Variants in GALNT1 observed in about 807,000 individuals in gnomAD.
GALNT1 encodes the protein GalNAc transferase 1.
A neutral mutation model predicts 65.7 loss-of-function variants in GALNT1; 17 were observed. That is an observed-to-expected ratio of 0.26 (90% CI 0.18 to 0.39). GALNT1 has a LOEUF of 0.39. GALNT1 is among the 10% of genes least tolerant of loss of function. The pLI is 1.00. For missense variants in GALNT1, 460 were observed against 672.8 expected (o/e 0.68, Z 3.50); for synonymous variants, 210 against 219.7 (o/e 0.96, Z 0.39).
chr18:35,600,641 A>G lies in GALNT1; in HGVS notation c.-104+18779A>G, dbSNP rs184256395. Among the ~76,000 whole-genome samples, 45 of 152,200 alleles carry G rather than the reference A, an allele frequency of 3.0e-4. No individual in the cohort carries two copies. In the East Asian group the frequency reaches 6.8e-3, roughly 23 times the overall value. On this transcript the variant is annotated intron_variant, in intron 1 of 11. Transcript: ENST00000269195. ...CTTCAGTTTTTTCCCATTCAGTACA[A>G]TGTTAGCTGTGGGTTTGTCACATAT...
At chr18:35,649,599 T>G (rs1197222129) in intron 1 of GALNT1, among the ~76,000 whole-genome samples, 1 of 152,172 alleles carries the variant, frequency 6.6e-6, no homozygotes, top group East Asian at 1.9e-4. Flanking sequence ...TTTTGAAGAT[T>G]AGTTAGGAAG....
rs1054039963 is a variant in GALNT1 at position 35,687,117 on chromosome 18, A to C, written c.791A>C (p.Asn264Thr). ...MTYGGFNWKL[N>T]FRWYPVPQRE... The stretch of plus-strand genomic sequence containing the variant: ...TATGGTGGGTTCAACTGGAAGCTCA[A>C]TTTTCGCTGGTATCCTGTTCCCCAA... Residue 264 changes from asparagine to threonine, a missense_variant, in exon 6 of 12, where the codon AAT becomes ACT. Physicochemically the swap from Asn to Thr is moderately conservative, Grantham distance 65 (BLOSUM62 0). Transcript: ENST00000269195. 8 of 1,613,756 alleles carry C rather than the reference A, an allele frequency of 5.0e-6. No individual in the cohort carries two copies. Among genetic ancestry groups the C allele is most frequent in the Non-Finnish European group, 6.8e-6 (8 of 1,179,882 alleles).
chr18:35,642,838 G>A (rs1222190632), intron 1 of GALNT1, among the ~76,000 whole-genome samples: 4 of 152,086 alleles, frequency 2.6e-5, no homozygotes, highest in Non-Finnish European at 2.9e-5. Context: ...AGGATTCCTC[G>A]TTGGGTCACT....
At chr18:35,629,993 AC>A (rs571067196) in intron 1 of GALNT1, among the ~76,000 whole-genome samples, 30 of 152,340 alleles carry the variant, frequency 2.0e-4, no homozygotes, top group African/African-American at 7.0e-4. Context: ...GATCAATTCA[AC>A]AAGAAGAGCT....
chr18:35,590,075 G>T (rs1327183036), intron 1 of GALNT1, among the ~76,000 whole-genome samples: 2 of 152,142 alleles, frequency 1.3e-5, no homozygotes, highest in African/African-American at 4.8e-5. Flanking sequence ...CTAGTGATTA[G>T]CCATTCAGTT....
intron 1 of GALNT1, among the ~76,000 whole-genome samples, chr18:35,640,610 C>G (rs2047148441): frequency 6.6e-6 from 1 of 152,090 alleles, no homozygotes; most frequent in Non-Finnish European, 1.5e-5. Context: ...TTGAGGAAGA[C>G]TTAACAGGTC....
At position 35,637,473 on chromosome 18, in the gene GALNT1, T is replaced by G. The variant is rs111638443; in HGVS notation, c.-103-17087T>G. 6.4e-3 allele frequency among the ~76,000 whole-genome samples: 974 copies of G among 152,318 alleles called. 19 individuals are homozygous for G. Among genetic ancestry groups the G allele is most frequent in the African/African-American group, 0.022 (924 of 41,568 alleles). On this transcript the variant is annotated intron_variant, in intron 1 of 11. Coordinates refer to ENST00000269195, the MANE Select transcript of GALNT1 (RefSeq NM_020474.4). Reference sequence around the variant, plus strand: ...AGATCAAACCAACCACAACGTTCCCTTAAGTCCAGCCTAATCAAGAGCAGG... The same window carrying G: ...AGATCAAACCAACCACAACGTTCCCGTAAGTCCAGCCTAATCAAGAGCAGG...
At chr18:35,609,027 A>G (rs995000698) in intron 1 of GALNT1, among the ~76,000 whole-genome samples, 4 of 152,204 alleles carry the variant, frequency 2.6e-5, no homozygotes, top group African/African-American at 9.6e-5. Context: ...ATAATGCTTT[A>G]TGTTATAGAA....
intron 9 of GALNT1, among the ~76,000 whole-genome samples, chr18:35,700,431 C>T (rs543768347): frequency 6.6e-6 from 1 of 152,284 alleles, no homozygotes; most frequent in Admixed American, 6.5e-5. Flanking sequence ...CTGACCATGC[C>T]ACCCACCTCA....
rs2048327576 is a variant in GALNT1, at chr18:35,709,874, CCT to C, written c.*107_*108del. 1 of 1,297,678 alleles carries C rather than the reference CCT, an allele frequency of 7.7e-7. No homozygotes were observed. The allele number at this position is 1,297,678 out of a possible 1,614,324, so 80.4% of individuals were successfully genotyped here. ...AGCAAAAAAGGAAAAGTGCTTTCCT[CCT>C]CTGCAGGATGTAAGGTTTATCAGCC... On this transcript the variant is annotated 3_prime_UTR_variant, in exon 12 of 12. Coordinates refer to ENST00000269195, the MANE Select transcript of GALNT1 (RefSeq NM_020474.4).
At chr18:35,630,409 C>G (rs2046990131) in intron 1 of GALNT1, among the ~76,000 whole-genome samples, 1 of 152,148 alleles carries the variant, frequency 6.6e-6, no homozygotes. Flanking sequence ...TCACTCAAAA[C>G]CACCAAACTA....
In GALNT1 at chr18:35,689,326, A is replaced by G. The variant is rs1196493606; in HGVS notation, c.978+36A>G. On this transcript the variant is annotated intron_variant, in intron 7 of 11. Transcript: ENST00000269195. ...TTAAAAAAATTTAATCTTTTATTTA[A>G]CTTCAAGTATAGATGTGCATTGATT... 4 of 1,177,802 alleles carry G rather than the reference A, an allele frequency of 3.4e-6. No homozygotes were observed. In the Admixed American group the frequency reaches 5.8e-5, roughly 17 times the overall value. The allele number at this position is 1,177,802 out of a possible 1,614,324, so 73.0% of individuals were successfully genotyped here. A position where few individuals can be genotyped will look rare whatever the true frequency, so the allele number is the denominator to read the frequency against.
chr18:35,702,862 A>C, intron 9 of GALNT1, 35 bp from the exon 10 acceptor site: 1 of 1,425,328 alleles, frequency 7.0e-7, no homozygotes, highest in Non-Finnish European at 9.7e-7. Flanking sequence ...TAACTTCTCC[A>C]ACTCCTGATA....
rs2048347589 is a variant in GALNT1 at position 35,711,319 on chromosome 18, G to A, written c.*1549G>A. 6.6e-6 allele frequency: 1 copy of A among 152,512 alleles called. No homozygotes were observed. Among genetic ancestry groups the A allele is most frequent in the African/African-American group, 2.4e-5 (1 of 41,398 alleles). 9.4% of individuals were successfully genotyped at this position (152,512 alleles called of 1,614,324 possible). ...TTGATTATCAAGGACTTTCACTGCAGGCAGTGCTATTTCTTGTGCCTAAGA... is the reference window on the plus strand; with the variant it reads ...TTGATTATCAAGGACTTTCACTGCAAGCAGTGCTATTTCTTGTGCCTAAGA... On this transcript the variant is annotated 3_prime_UTR_variant, in exon 12 of 12. Transcript: ENST00000269195.
chr18:35,676,737 T>C (rs2047716269), intron 3 of GALNT1, among the ~76,000 whole-genome samples: 1 of 152,146 alleles, frequency 6.6e-6, no homozygotes. Flanking sequence ...TTAGGGGGGC[T>C]TATGTTCTAA....
intron 1 of GALNT1, among the ~76,000 whole-genome samples, chr18:35,610,518 T>A (rs892835790): frequency 2.0e-4 from 30 of 152,208 alleles, no homozygotes; most frequent in Non-Finnish European, 4.1e-4. Flanking sequence ...AGCATAAAAC[T>A]GGCATTTAAT....
chr18:35,695,970 G>C (rs115572539), intron 9 of GALNT1, among the ~76,000 whole-genome samples: 2,018 of 152,186 alleles, frequency 0.013, 50 homozygotes, highest in African/African-American at 0.046. Context: ...GCCAGAGTTC[G>C]GGCGTGTGAC....
At chr18:35,618,030 C>G (rs2046806627) in intron 1 of GALNT1, among the ~76,000 whole-genome samples, 1 of 147,904 alleles carries the variant, frequency 6.8e-6, no homozygotes, top group African/African-American at 2.5e-5. Flanking sequence ...GACTGCTTTG[C>G]TGTTCTTTTT....
chr18:35,645,530 G>A (rs919042078), intron 1 of GALNT1, among the ~76,000 whole-genome samples: 5 of 151,960 alleles, frequency 3.3e-5, no homozygotes, highest in Non-Finnish European at 1.5e-5. Flanking sequence ...GCACCTGGCC[G>A]GTTTATTTTA....
Sources: gnomAD v4.1 joint callset for allele counts (sites outside exome capture counted in the v4.1 genomes callset) on GRCh38, gnomAD v4.1.1 for gene constraint, MANE v1.5 for transcripts, NCBI Gene and HGNC (gene_info 2026-07-23, HGNC 2026-07-21) for gene names.